The following CNTN4 variants were observed in gnomAD, a reference collection of about 807,000 sequenced individuals.
The protein encoded by CNTN4 is contactin 4.
Under a neutral mutation model 122.5 loss-of-function variants are expected in CNTN4, and 77 were observed. The observed-to-expected ratio is 0.63, with a 90% confidence interval of 0.52 to 0.76. The LOEUF is 0.76. CNTN4 is among the 30% of genes least tolerant of loss of function. The pLI is 0.00. For missense variants in CNTN4, 1,256 were observed against 1,259.1 expected, an observed-to-expected ratio of 1.00 and a Z score of 0.04; for synonymous variants, 512 against 447.0, an observed-to-expected ratio of 1.15 and a Z score of -1.83.
intron 2 of CNTN4, among the ~76,000 whole-genome samples, chr3:2,320,911 C>A (rs1001923878): frequency 6.6e-6 from 1 of 152,194 alleles, no homozygotes; most frequent in South Asian, 2.1e-4. Flanking sequence ...ATTATAACAG[C>A]AGCAGTGAAA....
At chr3:2,886,761 G>A (rs193165950) in intron 9 of CNTN4, among the ~76,000 whole-genome samples, 109 of 152,084 alleles carry the variant, frequency 7.2e-4, no homozygotes, top group Admixed American at 1.4e-3. Flanking sequence ...TGATCTGTCC[G>A]CCTCGGCCTC....
intron 13 of CNTN4, among the ~76,000 whole-genome samples, chr3:2,944,373 C>G (rs980603974): frequency 6.6e-6 from 1 of 152,132 alleles, no homozygotes. Context: ...AGAGCAGCAT[C>G]TAGTCTAAGA....
intron 2 of CNTN4, among the ~76,000 whole-genome samples, chr3:2,215,280 C>T (rs1304429923): frequency 6.6e-6 from 1 of 152,120 alleles, no homozygotes; most frequent in Non-Finnish European, 1.5e-5. Flanking sequence ...GCCTGCTTCC[C>T]CCTGTATTTG....
intron 2 of CNTN4, among the ~76,000 whole-genome samples, chr3:2,246,039 C>A (rs1419310815): frequency 1.3e-5 from 2 of 151,942 alleles, no homozygotes; most frequent in African/African-American, 4.8e-5. Context: ...TAGATAAATA[C>A]CTTTCTGGAT....
chr3:2,587,954 G>T (rs2600297), intron 4 of CNTN4, among the ~76,000 whole-genome samples: 148,951 of 152,240 alleles, frequency 0.98, 72,954 homozygotes, highest in Middle Eastern at 1. Context: ...CACAAGTAAA[G>T]AGTGAGATGG....
Position 2,997,045 on chromosome 3 carries a change from A to G in CNTN4, c.1486+8573A>G, listed in dbSNP as rs1695601049. Among the ~76,000 whole-genome samples the G allele has an allele frequency of 3.3e-5, 5 of 152,226 alleles. No individual in the cohort carries two copies. The South Asian group carries it at 1.0e-3, about 31-fold the overall frequency. On this transcript the variant is annotated intron_variant, in intron 14 of 24. Transcript: ENST00000418658. ...TAGAGCTATTCCTTTACTGAAGGAA[A>G]GAAATGGTTTATGTTAAGCTTTTCA...
intron 2 of CNTN4, 82 bp downstream of exon 2, chr3:2,100,721 A>G (rs1442498836): frequency 6.6e-6 from 1 of 152,226 alleles, no homozygotes; most frequent in Non-Finnish European, 1.5e-5. Flanking sequence ...GGAGTAGGTA[A>G]GATTGCTAAG....
chr3:2,173,659 G>A (rs113766621), intron 2 of CNTN4, among the ~76,000 whole-genome samples: 1,697 of 152,032 alleles, frequency 0.011, 29 homozygotes, highest in African/African-American at 0.037. Context: ...TCGGATGTTC[G>A]AAGGTCAACT....
chr3:2,663,941 T>C (rs2084026541), intron 4 of CNTN4, among the ~76,000 whole-genome samples: 1 of 152,180 alleles, frequency 6.6e-6, no homozygotes, highest in Non-Finnish European at 1.5e-5. Flanking sequence ...ATGTTCAGAA[T>C]ATGCAAATCT....
chr3:2,463,555 T>G (rs1229282231), intron 3 of CNTN4, among the ~76,000 whole-genome samples: 1 of 152,036 alleles, frequency 6.6e-6, no homozygotes, highest in Admixed American at 6.5e-5. Flanking sequence ...AGGTCAGGAG[T>G]TCGAGACCAG....
chr3:2,744,007 G>A (rs75259478), intron 5 of CNTN4, among the ~76,000 whole-genome samples: 668 of 152,244 alleles, frequency 4.4e-3, no homozygotes, highest in African/African-American at 0.015. Context: ...TGGAGGCAGC[G>A]TTGTGCCATG....
intron 13 of CNTN4, among the ~76,000 whole-genome samples, chr3:2,932,089 A>T (rs570868042): frequency 6.6e-6 from 1 of 152,104 alleles, no homozygotes; most frequent in African/African-American, 2.4e-5. Flanking sequence ...TAAACAGTAC[A>T]AATTTAGGCC....
intron 2 of CNTN4, among the ~76,000 whole-genome samples, chr3:2,120,356 T>TATATATATATATAA (rs2033643519): frequency 3.9e-5 from 2 of 51,470 alleles, no homozygotes; most frequent in African/African-American, 1.2e-4. Flanking sequence ...TTAGGTTATA[T>TATATATATATATAA]ATATATATAT....
chr3:2,333,262 C>T (rs1337106943), intron 2 of CNTN4, among the ~76,000 whole-genome samples: 2 of 152,162 alleles, frequency 1.3e-5, no homozygotes, highest in Non-Finnish European at 2.9e-5. Flanking sequence ...AGAAATTAGA[C>T]TTCCAGAAAC....
intron 2 of CNTN4, among the ~76,000 whole-genome samples, chr3:2,335,091 C>T (rs1452593467): frequency 6.6e-6 from 1 of 152,072 alleles, no homozygotes; most frequent in Non-Finnish European, 1.5e-5. Context: ...ATTGCGAGTA[C>T]ATTTATGTTG....
intron 2 of CNTN4, among the ~76,000 whole-genome samples, chr3:2,315,669 G>A (rs954035184): frequency 6.6e-6 from 1 of 151,862 alleles, no homozygotes; most frequent in African/African-American, 2.4e-5. Context: ...TTTTTTTAAT[G>A]TGCTAGATAA....
intron 4 of CNTN4, among the ~76,000 whole-genome samples, chr3:2,591,555 G>C (rs1363176081): frequency 1.6e-5 from 1 of 60,902 alleles, no homozygotes; most frequent in South Asian, 7.1e-4. Context: ...TAGTAGAGAC[G>C]GGGTTTCACC....
intron 2 of CNTN4, among the ~76,000 whole-genome samples, chr3:2,140,202 C>T (rs1246399807): frequency 2.0e-5 from 3 of 152,146 alleles, no homozygotes; most frequent in African/African-American, 7.2e-5. Flanking sequence ...ATTACCCAGC[C>T]TCAGGTATGT....
intron 3 of CNTN4, among the ~76,000 whole-genome samples, chr3:2,522,206 A>C (rs1327528388): frequency 6.6e-6 from 1 of 150,422 alleles, no homozygotes; most frequent in African/African-American, 2.4e-5. Flanking sequence ...ATTAATATGA[A>C]AGATATTACA....
Sources: gnomAD v4.1 joint callset for allele counts (sites outside exome capture counted in the v4.1 genomes callset) on GRCh38, gnomAD v4.1.1 for gene constraint, MANE v1.5 for transcripts, NCBI Gene and HGNC (gene_info 2026-07-23, HGNC 2026-07-21) for gene names.